RYR3: variants seen among roughly 807,000 people sequenced by gnomAD.
The protein encoded by RYR3 is brain ryanodine receptor-calcium release channel.
In RYR3, 207 loss-of-function variants were observed where a neutral mutation model predicts 584.3. The ratio of observed to expected loss-of-function variants is 0.35; its 90% CI spans 0.32 to 0.40. The LOEUF is 0.40. Among genes scored for constraint, RYR3 ranks in the 10% least tolerant of loss-of-function variants. RYR3 has a pLI of 1.00. For missense variants in RYR3, 5,616 were observed against 6,089.2 expected (o/e 0.92, Z 2.59); for synonymous variants, 2,416 against 2,248.5 (o/e 1.07, Z -2.11).
At chr15:33,860,789 C>T in intron 101 of RYR3, 130 bp downstream of exon 101, 1 of 762,440 alleles carries the variant, frequency 1.3e-6, no homozygotes, top group East Asian at 2.7e-5. Context: ...TTTTCCATGC[C>T]CTGTTCTCTG....
chr15:33,381,933 G>T (rs1249148090), intron 1 of RYR3, among the ~76,000 whole-genome samples: 4 of 152,192 alleles, frequency 2.6e-5, no homozygotes, highest in Admixed American at 2.0e-4. Flanking sequence ...TGTCATGAGT[G>T]CAGGGGCAGT....
chr15:33,727,258 A>G (rs570228954), intron 46 of RYR3, among the ~76,000 whole-genome samples: 1 of 151,960 alleles, frequency 6.6e-6, no homozygotes, highest in South Asian at 2.1e-4. Flanking sequence ...CAAAACTTAT[A>G]CTCTCCTCGA....
intron 32 of RYR3, among the ~76,000 whole-genome samples, chr15:33,654,302 C>T (rs1566882991): frequency 6.6e-6 from 1 of 152,002 alleles, no homozygotes; most frequent in South Asian, 2.1e-4. Context: ...ATCATTTGAG[C>T]TCAGGAGTTC....
At chr15:33,701,183 C>T (rs191721217) in intron 42 of RYR3, 103 bp downstream of exon 42, 3 of 691,052 alleles carry the variant, frequency 4.3e-6, no homozygotes, top group African/African-American at 3.6e-5. Context: ...ACTGTATCGT[C>T]ATCTTGGTGG....
chr15:33,843,748 C>T (rs1397562322), intron 92 of RYR3, among the ~76,000 whole-genome samples, 174 bp downstream of exon 92: 1 of 152,214 alleles, frequency 6.6e-6, no homozygotes, highest in Admixed American at 6.5e-5. Context: ...AGTGGAGAGA[C>T]TACTGACAAG....
chr15:33,758,737 C>T (rs1374638376), intron 60 of RYR3, among the ~76,000 whole-genome samples: 2 of 152,108 alleles, frequency 1.3e-5, no homozygotes, highest in Non-Finnish European at 2.9e-5. Flanking sequence ...TTAAAAGTTC[C>T]TGCCTGCCGG....
chr15:33,785,750 G>A lies in RYR3; in HGVS notation c.9357G>A (p.Glu3119=), dbSNP rs2074668341. The A allele has an allele frequency of 3.7e-6, 6 of 1,613,970 alleles. No individual in the cohort carries two copies. Among genetic ancestry groups the A allele is most frequent in the Non-Finnish European group, 2.5e-6 (3 of 1,179,854 alleles). ...TGAAGGAAATCAACGACCTGGCCGAGTCAGGGGCCCGGTACACAGAGATGC... is the reference window on the plus strand; with the variant it reads ...TGAAGGAAATCAACGACCTGGCCGAATCAGGGGCCCGGTACACAGAGATGC... ...GLMKEINDLA[E]SGARYTEMPH... The change falls in exon 66 of 104, where the codon GAG becomes GAA. Residue 3119 remains glutamate (E), a synonymous_variant. Transcript: ENST00000634891.
At chr15:33,417,178 T>C (rs113189412) in intron 1 of RYR3, among the ~76,000 whole-genome samples, 3,536 of 152,276 alleles carry the variant, frequency 0.023, 65 homozygotes, top group Non-Finnish European at 0.036. Context: ...TTTGGGGCTT[T>C]TTTGGTTTCA....
At chr15:33,654,205 T>A (rs1247415211) in intron 32 of RYR3, among the ~76,000 whole-genome samples, 1 of 152,164 alleles carries the variant, frequency 6.6e-6, no homozygotes, top group Non-Finnish European at 1.5e-5. Context: ...GATTTATTTA[T>A]TTTTTTAAGG....
In RYR3 at chr15:33,530,638, T is replaced by G; in HGVS notation, c.326T>G (p.Val109Gly). The G allele has an allele frequency of 6.2e-7, 1 of 1,613,664 alleles. No individual in the cohort carries two copies. The highest frequency in any genetic ancestry group is 8.5e-7 in the Non-Finnish European group (1 of 1,179,712). The change falls in exon 4 of 104, where the codon GTT becomes GGT. Residue 109 changes from valine to glycine, a missense_variant. Physicochemically the swap from Val to Gly is moderately radical, Grantham distance 109. This residue lies in a region of RYR3 where 1,284 missense variants were observed against 1,344.6 expected (regional missense o/e 0.95). Transcript: ENST00000634891. ...AGGACCCTGTTATACGGCCATGCAG[T>G]TCTCCTGAGGCACTCTTTCAGCGGA... ...GHRTLLYGHA[V>G]LLRHSFSGMY...
intron 1 of RYR3, among the ~76,000 whole-genome samples, chr15:33,377,725 G>A (rs2040856155): frequency 6.6e-6 from 1 of 152,182 alleles, no homozygotes; most frequent in Admixed American, 6.5e-5. Context: ...GGAAAATGCA[G>A]TGGTTAATAA....
chr15:33,558,881 A>G (rs1375818998), intron 10 of RYR3, among the ~76,000 whole-genome samples: 1 of 152,218 alleles, frequency 6.6e-6, no homozygotes, highest in African/African-American at 2.4e-5. Context: ...GAGAAGTGCC[A>G]TCCTCCAGGA....
At chr15:33,531,911 C>T (rs1226276987) in intron 4 of RYR3, among the ~76,000 whole-genome samples, 1 of 151,992 alleles carries the variant, frequency 6.6e-6, no homozygotes, top group Admixed American at 6.6e-5. Context: ...ATGTAATAAA[C>T]AGAACTTCAA....
intron 1 of RYR3, among the ~76,000 whole-genome samples, chr15:33,450,087 T>TAAAAAAAAAAAAAAAAAAA (rs10647466): frequency 7.4e-5 from 5 of 67,320 alleles, no homozygotes; most frequent in African/African-American, 2.2e-4. Context: ...CATTAATACC[T>TAAAAAAAAAAAAAAAAAAA]AAAAAAAAAA....
rs752741698 is a variant in RYR3, at chr15:33,630,073, A to T, written c.2783+30A>T. On this transcript the variant is annotated intron_variant, in intron 22 of 103. Coordinates refer to ENST00000634891, the MANE Select transcript of RYR3 (RefSeq NM_001036.6). ...GTATTTAATTGAGCTGAAGTTTTAC[A>T]AACAATGAATAGATGATTTAATGCA... 1.2e-5 allele frequency: 15 copies of T among 1,256,886 alleles called. No individual in the cohort carries two copies. In the South Asian group the frequency reaches 2.0e-4, roughly 16 times the overall value. 77.9% of individuals were successfully genotyped at this position (1,256,886 alleles called of 1,614,324 possible).
rs1320172282 is a variant in RYR3, at chr15:33,816,945, T to C, written c.10586T>C (p.Val3529Ala). ...TEEYSFEEKL[V>A]QDLAKSPKVE... ...GAGTATTCCTTTGAAGAGAAACTAG[T>C]ACAGGATTTGGCTGTAAGTACTGAC... The change falls in exon 75 of 104, where the codon GTA (valine) becomes GCA (alanine). Residue 3529 changes from valine (V) to alanine (A), a missense_variant. Around this residue, in one of 9 missense-constraint regions of RYR3, gnomAD observed 954 missense variants for 1,132.2 expected, o/e 0.84. Transcript: ENST00000634891. The C allele has an allele frequency of 3.1e-6, 5 of 1,606,084 alleles. No individual in the cohort carries two copies. In the South Asian group the frequency reaches 4.5e-5, roughly 14 times the overall value.
At chr15:33,368,726 G>A (rs1392160777) in intron 1 of RYR3, among the ~76,000 whole-genome samples, 2 of 152,060 alleles carry the variant, frequency 1.3e-5, no homozygotes, top group African/African-American at 2.4e-5. Flanking sequence ...GAACCTCCTC[G>A]CCTGCAGTCT....
In RYR3 at chr15:33,760,626, C is replaced by G. The variant is rs112860575; in HGVS notation, c.8705+3030C>G. On this transcript the variant is annotated intron_variant, in intron 60 of 103. Transcript: ENST00000634891. ...AAGCAAGTCCTTAGAGACCTACAAACAGACTTAGACTCCCACACAATAATA... is the reference window on the plus strand; with the variant it reads ...AAGCAAGTCCTTAGAGACCTACAAAGAGACTTAGACTCCCACACAATAATA... Among the ~76,000 whole-genome samples the G allele has an allele frequency of 2.2e-4, 34 of 152,228 alleles. 1 individual carries two copies. The highest frequency in any genetic ancestry group is 8.2e-4 in the African/African-American group (34 of 41,540).
chr15:33,331,784 A>G (rs1489307861), intron 1 of RYR3, among the ~76,000 whole-genome samples: 1 of 152,106 alleles, frequency 6.6e-6, no homozygotes, highest in Non-Finnish European at 1.5e-5. Flanking sequence ...AAATTAAATT[A>G]AAATAAAGTG....
Sources: gnomAD v4.1 joint callset for allele counts (sites outside exome capture counted in the v4.1 genomes callset) on GRCh38, gnomAD v4.1.1 for gene constraint, gnomAD v4.1.1 regional missense constraint, MANE v1.5 for transcripts, NCBI Gene and HGNC (gene_info 2026-07-23, HGNC 2026-07-21) for gene names.